The following DNAH8 variants were observed in gnomAD, a reference collection of about 807,000 sequenced individuals.
The protein encoded by DNAH8 is axonemal beta dynein heavy chain 8.
A neutral mutation model predicts 562.1 loss-of-function variants in DNAH8; 382 were observed. The ratio of observed to expected loss-of-function variants is 0.68; its 90% CI spans 0.63 to 0.74. The LOEUF (loss-of-function observed/expected upper bound fraction) is 0.74. Among genes scored for constraint, DNAH8 ranks in the 30% least tolerant of loss-of-function variants. The probability of loss-of-function intolerance (pLI) is 0.00; values close to 1 mark genes in which losing one functional copy is unlikely to be tolerated. For synonymous variants in DNAH8, 1,881 were observed against 1,919.4 expected (o/e 0.98, Z 0.52); for missense variants, 5,203 against 5,620.4 (o/e 0.93, Z 2.37).
intron 82 of DNAH8, among the ~76,000 whole-genome samples, chr6:38,951,848 G>C (rs533087667): frequency 6.6e-6 from 1 of 152,224 alleles, no homozygotes; most frequent in East Asian, 1.9e-4. Context: ...TTATTGCCAT[G>C]TCTATATAAA....
At chr6:38,987,348 G>A (rs923363458) in intron 87 of DNAH8, among the ~76,000 whole-genome samples, 5 of 152,072 alleles carry the variant, frequency 3.3e-5, no homozygotes, top group African/African-American at 9.7e-5. Context: ...TTGGCATTTT[G>A]GGCCACAGAG....
rs1456702985 is a variant in DNAH8, at chr6:38,845,625, C to G, written c.4897C>G (p.Gln1633Glu). 1 of 1,613,824 alleles carries G rather than the reference C, an allele frequency of 6.2e-7. No individual in the cohort carries two copies. The highest frequency in any genetic ancestry group is 8.5e-7 in the Non-Finnish European group (1 of 1,179,906). The change falls in exon 36 of 93, where the codon CAG becomes GAG. Residue 1633 changes from glutamine (Q) to glutamate (E), a missense_variant. Coordinates refer to ENST00000327475, the MANE Select transcript of DNAH8 (RefSeq NM_001206927.2). ...KEKDIEAKLT[Q>E]VIENWTNQNL... Reference sequence around the variant, plus strand: ...GAAGGATATCGAAGCCAAGCTGACTCAGGTGATTGAGAATTGGACCAACCA... The same window carrying G: ...GAAGGATATCGAAGCCAAGCTGACTGAGGTGATTGAGAATTGGACCAACCA...
At position 38,913,843 on chromosome 6, in the gene DNAH8, G is replaced by T. The variant is rs1283964124; in HGVS notation, c.9860-6G>T. 1.2e-6 allele frequency: 2 copies of T among 1,606,942 alleles called. No homozygotes were observed. The highest frequency in any genetic ancestry group is 1.7e-6 in the Non-Finnish European group (2 of 1,174,062). On this transcript the variant is annotated splice_region_variant and splice_polypyrimidine_tract_variant and intron_variant, in intron 66 of 92. Transcript: ENST00000327475. ...AGTAAAGGTATATATGTGTGTATTTGTAAAGGTCTTGATAAACTAATGGAG... is the reference window on the plus strand; with the variant it reads ...AGTAAAGGTATATATGTGTGTATTTTTAAAGGTCTTGATAAACTAATGGAG...
At chr6:38,980,125 G>A (rs1053910661) in intron 85 of DNAH8, among the ~76,000 whole-genome samples, 1 of 152,148 alleles carries the variant, frequency 6.6e-6, no homozygotes, top group Non-Finnish European at 1.5e-5. Flanking sequence ...CACTGGGTGA[G>A]CCTCAGCATT....
At chr6:38,806,636 C>T (rs1214705227) in intron 23 of DNAH8, among the ~76,000 whole-genome samples, 1 of 152,080 alleles carries the variant, frequency 6.6e-6, no homozygotes, top group African/African-American at 2.4e-5. Context: ...TCTCACATTG[C>T]TGCCAGAACG....
Position 38,750,462 on chromosome 6 carries a change from C to T in DNAH8, c.1294-14C>T. ...TTGGATGTTTCATAGAATTCTTATA[C>T]CTTTTTTTCTTAGAATTGGCGTGAT... On this transcript the variant is annotated splice_polypyrimidine_tract_variant and intron_variant, in intron 8 of 92. Coordinates refer to ENST00000327475, the MANE Select transcript of DNAH8 (RefSeq NM_001206927.2). 1 of 1,573,422 alleles carries T rather than the reference C, an allele frequency of 6.4e-7. No individual in the cohort carries two copies.
intron 75 of DNAH8, 35 bp downstream of exon 75, chr6:38,929,701 G>C: frequency 7.3e-7 from 1 of 1,376,582 alleles, no homozygotes; most frequent in Non-Finnish European, 9.5e-7. Context: ...AAGAAAGAAA[G>C]AAAGAAAAGA....
intron 24 of DNAH8, 117 bp from the exon 25 acceptor site, chr6:38,813,937 G>A: frequency 1.3e-6 from 1 of 756,558 alleles, no homozygotes; most frequent in Non-Finnish European, 2.3e-6. Flanking sequence ...TATTCTCTTT[G>A]TGTAATTTGG....
chr6:38,832,174 G>T (rs1395022186), intron 30 of DNAH8, 148 bp from the exon 31 acceptor site: 3 of 600,458 alleles, frequency 5.0e-6, no homozygotes, highest in Non-Finnish European at 8.9e-6. Flanking sequence ...AGGTTCATTT[G>T]GGTTATTAAT....
intron 36 of DNAH8, among the ~76,000 whole-genome samples, chr6:38,847,423 T>C (rs1433470650): frequency 6.6e-6 from 1 of 151,996 alleles, no homozygotes; most frequent in East Asian, 1.9e-4. Context: ...AAGATGTTTT[T>C]GGCATATTGA....
intron 21 of DNAH8, among the ~76,000 whole-genome samples, chr6:38,796,111 T>C (rs905420674): frequency 1.3e-5 from 2 of 152,162 alleles, no homozygotes; most frequent in African/African-American, 4.8e-5. Context: ...GAGAAGGGAC[T>C]TGCTCTTTCC....
chr6:38,969,824 G>A (rs573778033), intron 82 of DNAH8, among the ~76,000 whole-genome samples: 2 of 152,136 alleles, frequency 1.3e-5, no homozygotes, highest in South Asian at 4.2e-4. Flanking sequence ...GGATGCAATG[G>A]GAAGCCATTG....
At chr6:38,948,845 C>T (rs1404075381) in intron 80 of DNAH8, among the ~76,000 whole-genome samples, 2 of 152,112 alleles carry the variant, frequency 1.3e-5, no homozygotes, top group Admixed American at 6.5e-5. Context: ...AGACTCCTTT[C>T]GTTATTAGGC....
At chr6:38,896,305 A>G (rs1001242574) in intron 60 of DNAH8, 80 bp downstream of exon 60, 9 of 1,178,610 alleles carry the variant, frequency 7.6e-6, no homozygotes, top group Non-Finnish European at 1.1e-5. Context: ...GAGTCCTACC[A>G]TGGAGTTGCT....
chr6:38,725,029 G>A (rs533184993), intron 3 of DNAH8, among the ~76,000 whole-genome samples: 9 of 152,110 alleles, frequency 5.9e-5, no homozygotes, highest in East Asian at 1.9e-4. Flanking sequence ...CCGGCCGGGC[G>A]CAGTAGCTCA....
chr6:38,782,537 C>T (rs933350167), intron 16 of DNAH8, among the ~76,000 whole-genome samples: 4 of 152,212 alleles, frequency 2.6e-5, no homozygotes, highest in Non-Finnish European at 5.9e-5. Flanking sequence ...CTGCCTTGGC[C>T]TCCCAAAGTG....
intron 9 of DNAH8, among the ~76,000 whole-genome samples, chr6:38,751,053 G>A (rs573800341): frequency 5.3e-5 from 8 of 152,158 alleles, no homozygotes; most frequent in East Asian, 3.8e-4. Flanking sequence ...AAAACAATGA[G>A]CATTCATCAT....
chr6:38,873,031 A>G lies in DNAH8; in HGVS notation c.7363A>G (p.Ser2455Gly). ...ANGDRIPMAP[S>G]CKLLFEVHNI... ...TGGAGATCGCATTCCCATGGCCCCTAGTTGTAAGCTTCTGTTTGAAGTCCA... is the reference window on the plus strand; with the variant it reads ...TGGAGATCGCATTCCCATGGCCCCTGGTTGTAAGCTTCTGTTTGAAGTCCA... Residue 2455 changes from serine (S) to glycine (G), a missense_variant, in exon 51 of 93, where the codon AGT becomes GGT. By Grantham distance (56) the Ser-to-Gly change is moderately conservative (BLOSUM62 0). This residue lies in a region of DNAH8 where 977 missense variants were observed against 1,061.8 expected (regional missense o/e 0.92). Coordinates refer to ENST00000327475, the MANE Select transcript of DNAH8 (RefSeq NM_001206927.2). 6.2e-7 allele frequency: 1 copy of G among 1,614,118 alleles called. No homozygotes were observed.
At chr6:38,773,849 A>G (rs988828056) in intron 12 of DNAH8, among the ~76,000 whole-genome samples, 1 of 152,192 alleles carries the variant, frequency 6.6e-6, no homozygotes, top group Non-Finnish European at 1.5e-5. Context: ...GAGGAGAGCC[A>G]CAAGTGTGCA....
Sources: allele counts gnomAD v4.1 joint callset (sites outside exome capture counted in the v4.1 genomes callset), GRCh38; gene constraint gnomAD v4.1.1; regional missense constraint gnomAD v4.1.1; transcripts MANE v1.5; gene names NCBI Gene and HGNC (gene_info 2026-07-23, HGNC 2026-07-21).